CYFIP1: variants seen among roughly 807,000 people sequenced by gnomAD.
CYFIP1 encodes cytoplasmic FMR1 interacting protein 1, also known as cytoplasmic FMR1-interacting protein 1.
In CYFIP1, 58 loss-of-function variants were observed where a neutral mutation model predicts 163.5. The observed-to-expected ratio is 0.35, with a 90% CI of 0.29 to 0.44. CYFIP1 has a LOEUF of 0.44. Among genes scored for constraint, CYFIP1 ranks in the 20% least tolerant of loss-of-function variants. The pLI is 1.00. For synonymous variants in CYFIP1, 663 were observed against 660.7 expected (o/e 1.00, Z -0.05); for missense variants, 1,338 against 1,653.8 (o/e 0.81, Z 3.31).
intron 23 of CYFIP1, among the ~76,000 whole-genome samples, chr15:22,886,867 C>T (rs1457182132): frequency 6.6e-6 from 1 of 152,174 alleles, no homozygotes; most frequent in African/African-American, 2.4e-5. Flanking sequence ...CTGTCAATTA[C>T]TAAAATGAGA....
In CYFIP1 at chr15:22,867,846, A is replaced by ATGTT. The variant is rs3834955; in HGVS notation, c.*2178_*2181dup. 0.39 allele frequency: 58,445 copies of ATGTT among 151,794 alleles called. 11,529 individuals carry two copies. The highest frequency in any genetic ancestry group is 0.47 in the Middle Eastern group (138 of 292). The allele number at this position is 151,794 out of a possible 1,614,324, so 9.4% of individuals were successfully genotyped here. The stretch of plus-strand genomic sequence containing the variant: ...CACTACATATTTTGGTTTCTAGAAA[A>ATGTT]TGTTTGTTTATGAAGAAGTCGATGG... On this transcript the variant is annotated 3_prime_UTR_variant, in exon 31 of 31. Transcript: ENST00000617928.
chr15:22,910,572 T>C lies in CYFIP1; in HGVS notation c.2216A>G (p.His739Arg), dbSNP rs2060751654. 1 of 1,613,952 alleles carries C rather than the reference T, an allele frequency of 6.2e-7. No individual in the cohort carries two copies. The highest frequency in any genetic ancestry group is 8.5e-7 in the Non-Finnish European group (1 of 1,180,010). The change falls in exon 20 of 31, where the codon CAC (histidine) becomes CGC (arginine). Residue 739 changes from histidine to arginine, a missense_variant. Transcript: ENST00000617928. ...SECKNQGATI[H>R]LPPSNRYETL... ...CTCGTAGCGGTTAGACGGCGGGAGG[T>C]GGATCGTGGCTCCCTGATTCTTGCA...
chr15:22,893,249 T>A (rs2060129133), intron 22 of CYFIP1, among the ~76,000 whole-genome samples: 1 of 152,192 alleles, frequency 6.6e-6, no homozygotes, highest in Admixed American at 6.5e-5. Context: ...AACGCAATCC[T>A]CAGGTAGCTC....
At chr15:22,910,498 C>A in intron 20 of CYFIP1, 22 bp downstream of exon 20, 1 of 1,600,566 alleles carries the variant, frequency 6.2e-7, no homozygotes, top group Non-Finnish European at 8.6e-7. Flanking sequence ...TACGTCCCCA[C>A]CACAGCCCGG....
At chr15:22,885,169 T>G (rs976781104) in intron 23 of CYFIP1, among the ~76,000 whole-genome samples, 3 of 152,164 alleles carry the variant, frequency 2.0e-5, no homozygotes, top group Non-Finnish European at 4.4e-5. Context: ...CTCCAGAAAA[T>G]GGGTTTTTCT....
Position 22,914,765 on chromosome 15 carries a change from G to T in CYFIP1, c.1946C>A (p.Thr649Lys). ...CTCCTTGGTCTCCAGGATGTGGTCC[G>T]TCAGGATCCAGGGCATCGACATCTC... ...PIEMSMPWIL[T>K]DHILETKEAS... The change falls in exon 17 of 31, where the codon ACG becomes AAG. Residue 649 changes from threonine (T) to lysine (K), a missense_variant. Around this residue, in one of 4 missense-constraint regions of CYFIP1, gnomAD observed 824 missense variants for 995.7 expected, o/e 0.83. Coordinates refer to ENST00000617928, the MANE Select transcript of CYFIP1 (RefSeq NM_014608.6). The T allele has an allele frequency of 1.9e-6, 3 of 1,613,664 alleles. No homozygotes were observed. Among genetic ancestry groups the T allele is most frequent in the Non-Finnish European group, 2.5e-6 (3 of 1,179,780 alleles).
At chr15:22,956,377 A>T (rs2062453976) in intron 1 of CYFIP1, among the ~76,000 whole-genome samples, 1 of 152,248 alleles carries the variant, frequency 6.6e-6, no homozygotes, top group South Asian at 2.1e-4. Flanking sequence ...AAAAGACACT[A>T]CTAGGCTGCA....
intron 26 of CYFIP1, among the ~76,000 whole-genome samples, chr15:22,879,599 C>A (rs768964220): frequency 1.3e-5 from 2 of 151,828 alleles, no homozygotes; most frequent in Non-Finnish European, 2.9e-5. Context: ...GGCCCTCCTG[C>A]GCAGCAATGC....
chr15:22,880,679 T>G (rs67278742), intron 25 of CYFIP1, among the ~76,000 whole-genome samples: 44,753 of 152,094 alleles, frequency 0.29, 6,696 homozygotes, highest in East Asian at 0.36. Context: ...AGGAGGGGCC[T>G]AAACTACCCT....
At chr15:22,952,161 T>C (rs923101226) in intron 1 of CYFIP1, among the ~76,000 whole-genome samples, 6 of 152,038 alleles carry the variant, frequency 3.9e-5, no homozygotes, top group Non-Finnish European at 1.5e-5. Context: ...ATGATTCCAC[T>C]CATATAAATT....
At chr15:22,927,158 G>A (rs1244833665) in intron 12 of CYFIP1, among the ~76,000 whole-genome samples, 7 of 151,990 alleles carry the variant, frequency 4.6e-5, no homozygotes, top group Admixed American at 6.6e-5. Context: ...CCCACACGGC[G>A]AGACTGTCTG....
intron 21 of CYFIP1, 164 bp from the exon 22 acceptor site, chr15:22,904,069 G>A: frequency 1.5e-6 from 1 of 651,468 alleles, no homozygotes; most frequent in Admixed American, 2.7e-5. Flanking sequence ...TTGCTTCTTG[G>A]CACCCCACCT....
intron 1 of CYFIP1, among the ~76,000 whole-genome samples, chr15:22,976,638 T>G (rs571926683): frequency 7.2e-6 from 1 of 138,100 alleles, no homozygotes; most frequent in African/African-American, 2.5e-5. Context: ...TTTTATTCAG[T>G]ATATAATTAT....
intron 1 of CYFIP1, among the ~76,000 whole-genome samples, chr15:22,967,151 C>A (rs933780798): frequency 6.6e-6 from 1 of 152,182 alleles, no homozygotes; most frequent in African/African-American, 2.4e-5. Context: ...GGTTGGGACA[C>A]GGGACAAGGA....
chr15:22,891,469 T>C (rs557561514), intron 23 of CYFIP1, among the ~76,000 whole-genome samples: 2 of 152,318 alleles, frequency 1.3e-5, no homozygotes, highest in East Asian at 1.9e-4. Context: ...GGACATAATG[T>C]TTACACAGTC....
At chr15:22,933,396 G>A (rs1057244936) in intron 10 of CYFIP1, among the ~76,000 whole-genome samples, 5 of 150,794 alleles carry the variant, frequency 3.3e-5, no homozygotes, top group African/African-American at 1.2e-4. Flanking sequence ...CTCACTGCAA[G>A]CTCCGCCTCC....
chr15:22,965,332 G>A (rs1393449062), intron 1 of CYFIP1, among the ~76,000 whole-genome samples: 3 of 152,198 alleles, frequency 2.0e-5, no homozygotes, highest in Non-Finnish European at 4.4e-5. Flanking sequence ...GGTGGCGTAC[G>A]CCTGTAATCC....
At chr15:22,894,900 C>T (rs1246161056) in intron 22 of CYFIP1, among the ~76,000 whole-genome samples, 1 of 142,666 alleles carries the variant, frequency 7.0e-6, no homozygotes, top group African/African-American at 2.6e-5. Flanking sequence ...TTGTCACCCA[C>T]ACTGGAGTGC....
chr15:22,882,813 G>A (rs2059804803), intron 24 of CYFIP1, 55 bp downstream of exon 24: 4 of 1,576,726 alleles, frequency 2.5e-6, no homozygotes, highest in Non-Finnish European at 3.5e-6. Flanking sequence ...CCTCTGGCAT[G>A]GGTGCCCCAG....
Sources: allele counts gnomAD v4.1 joint callset (sites outside exome capture counted in the v4.1 genomes callset), GRCh38; gene constraint gnomAD v4.1.1; regional missense constraint gnomAD v4.1.1; transcripts MANE v1.5; gene names NCBI Gene and HGNC (gene_info 2026-07-23, HGNC 2026-07-21).